TEX29: variants seen among roughly 807,000 people sequenced by gnomAD.
TEX29 encodes testis expressed 29.
A neutral mutation model predicts 18.2 loss-of-function variants in TEX29; 26 were observed. The observed-to-expected ratio is 1.43, with a 90% CI of 1.04 to 1.98. The LOEUF (loss-of-function observed/expected upper bound fraction) is 1.98, where lower values mean the gene tolerates loss of function less well. Ranked by LOEUF, TEX29 falls within the 30% of genes most tolerant of loss-of-function variation. The pLI, the probability that TEX29 is intolerant of heterozygous loss-of-function variation, is 0.00. For synonymous variants in TEX29, 83 were observed against 78.5 expected, an observed-to-expected ratio of 1.06 and a Z score of -0.31; for missense variants, 177 against 194.2, an observed-to-expected ratio of 0.91 and a Z score of 0.53.
intron 3 of TEX29, among the ~76,000 whole-genome samples, chr13:111,334,221 A>T (rs1209280425): frequency 6.6e-6 from 1 of 151,638 alleles, no homozygotes; most frequent in Non-Finnish European, 1.5e-5. Flanking sequence ...GGGTTCTTTC[A>T]CCTCCCCAGG....
intron 2 of TEX29, 44 bp downstream of exon 2, chr13:111,320,992 A>AGG: frequency 4.3e-6 from 1 of 235,152 alleles, no homozygotes; most frequent in Non-Finnish European, 7.6e-6. Flanking sequence ...GTGGGGGAGC[A>AGG]GTTGGGGGGG....
intron 3 of TEX29, among the ~76,000 whole-genome samples, chr13:111,329,082 CA>C (rs1277627580): frequency 5.3e-5 from 8 of 152,230 alleles, no homozygotes. Context: ...TTCTCATTTC[CA>C]AACCCTCATC....
chr13:111,324,753 G>A (rs934340926), intron 2 of TEX29, among the ~76,000 whole-genome samples: 4 of 152,186 alleles, frequency 2.6e-5, no homozygotes, highest in Non-Finnish European at 5.9e-5. Flanking sequence ...TGCCTGGGTC[G>A]GAAAGCCCTG....
At chr13:111,343,176 C>T (rs1458977313) in intron 5 of TEX29, among the ~76,000 whole-genome samples, 1 of 152,212 alleles carries the variant, frequency 6.6e-6, no homozygotes, top group East Asian at 1.9e-4. Flanking sequence ...CCCCTTTTGC[C>T]TCCCTGTCAT....
chr13:111,338,377 G>A (rs1334101137), intron 3 of TEX29, among the ~76,000 whole-genome samples: 1 of 152,138 alleles, frequency 6.6e-6, no homozygotes, highest in Non-Finnish European at 1.5e-5. Context: ...ATGCTAGGAG[G>A]AAGCCAGGGA....
intron 3 of TEX29, among the ~76,000 whole-genome samples, chr13:111,337,422 T>C (rs2093691018): frequency 6.6e-6 from 1 of 152,078 alleles, no homozygotes; most frequent in Admixed American, 6.6e-5. Flanking sequence ...TGGTACCAGA[T>C]GTTATAGGAG....
chr13:111,342,953 C>T (rs1395911677), intron 5 of TEX29, 22 bp downstream of exon 5: 1 of 1,611,414 alleles, frequency 6.2e-7, no homozygotes, highest in East Asian at 2.2e-5. Flanking sequence ...CTGGAATGAT[C>T]CTCAGCCTAA....
At chr13:111,316,199 A>G, upstream of TEX29, 1 of 501,920 alleles carries the variant, frequency 2.0e-6, no homozygotes, top group South Asian at 1.5e-5. Context: ...GTTCTCCTGG[A>G]AGAAGAACCT....
intron 4 of TEX29, among the ~76,000 whole-genome samples, chr13:111,340,185 C>T (rs540541250): frequency 1.0e-4 from 15 of 147,916 alleles, no homozygotes; most frequent in Non-Finnish European, 3.0e-5. Context: ...AATCATAACC[C>T]ATGTTTAGTG....
In TEX29 at chr13:111,339,861, A is replaced by G. The variant is rs917594824; in HGVS notation, c.170-2A>G. The G allele has an allele frequency of 4.3e-6, 7 of 1,613,374 alleles. No homozygotes were observed. Among genetic ancestry groups the G allele is most frequent in the Middle Eastern group, 3.3e-4 (2 of 6,058 alleles). On this transcript the variant is annotated splice_acceptor_variant, in intron 3 of 5. Transcript: ENST00000283547. LOFTEE classifies it high-confidence loss of function. ...ATGACTTCAAATCCCACCATTTTTC[A>G]GTTTACATCCACGTGTTCTCTGCCT... is the stretch of plus-strand genomic sequence containing the variant.
At chr13:111,321,381 C>T (rs1354683298) in intron 2 of TEX29, among the ~76,000 whole-genome samples, 1 of 152,172 alleles carries the variant, frequency 6.6e-6, no homozygotes, top group African/African-American at 2.4e-5. Flanking sequence ...CAGACACTCA[C>T]CACTGGGACT....
At chr13:111,339,979 ACCTCT>A (rs1487186006) in intron 4 of TEX29, 47 bp downstream of exon 4, 1 of 1,560,770 alleles carries the variant, frequency 6.4e-7, no homozygotes, top group Non-Finnish European at 8.8e-7. Context: ...GAGGGGACTC[ACCTCT>A]CCTGGCCGCA....
intron 3 of TEX29, among the ~76,000 whole-genome samples, chr13:111,331,492 T>G (rs2093682754): frequency 6.6e-6 from 1 of 152,164 alleles, no homozygotes; most frequent in Non-Finnish European, 1.5e-5. Flanking sequence ...AAATACTTTC[T>G]ATTATTCTCT....
At chr13:111,335,412 G>A (rs894423429) in intron 3 of TEX29, among the ~76,000 whole-genome samples, 1 of 152,186 alleles carries the variant, frequency 6.6e-6, no homozygotes, top group African/African-American at 2.4e-5. Context: ...CCAGCAGCTC[G>A]TCCTCTGAGG....
intron 3 of TEX29, among the ~76,000 whole-genome samples, chr13:111,337,554 T>C (rs1245031987): frequency 6.6e-6 from 1 of 152,048 alleles, no homozygotes; most frequent in Non-Finnish European, 1.5e-5. Context: ...GCATCTCCTT[T>C]GGCTCCAGGG....
chr13:111,329,052 T>G (rs2479956), intron 3 of TEX29, among the ~76,000 whole-genome samples: 1 of 152,132 alleles, frequency 6.6e-6, no homozygotes, highest in Non-Finnish European at 1.5e-5. Flanking sequence ...GTGAGTGCAC[T>G]GGCCTGCGCC....
chr13:111,335,964 C>G (rs981399699), intron 3 of TEX29, among the ~76,000 whole-genome samples: 3 of 152,162 alleles, frequency 2.0e-5, no homozygotes, highest in African/African-American at 7.2e-5. Context: ...GCATGTATGT[C>G]GAACATGGCT....
chr13:111,328,123 C>A, intron 2 of TEX29, 60 bp from the exon 3 acceptor site: 3 of 1,128,110 alleles, frequency 2.7e-6, no homozygotes, highest in Non-Finnish European at 2.7e-6. Flanking sequence ...GGTTCTTTAG[C>A]GGAGAGCAGA....
At chr13:111,319,491 C>T (rs1289933619), upstream of TEX29, among the ~76,000 whole-genome samples, 4 of 152,194 alleles carry the variant, frequency 2.6e-5, no homozygotes, top group African/African-American at 9.7e-5. Flanking sequence ...TGTATGCTTC[C>T]TGGGCGTGTC....
Sources: gnomAD v4.1 joint callset for allele counts (sites outside exome capture counted in the v4.1 genomes callset) on GRCh38, gnomAD v4.1.1 for gene constraint, MANE v1.5 for transcripts, NCBI Gene and HGNC (gene_info 2026-07-23, HGNC 2026-07-21) for gene names.